ADCY4: variants seen among roughly 807,000 people sequenced by gnomAD.
ADCY4 encodes adenylate cyclase 4, also known as adenylate cyclase type 4.
In ADCY4, 111 loss-of-function variants were observed where a neutral mutation model predicts 125.5. That is an observed-to-expected ratio of 0.88 (90% CI 0.76 to 1.04). The LOEUF is 1.04. ADCY4 is among the 50% of genes least tolerant of loss of function. The pLI, the probability that ADCY4 is intolerant of heterozygous loss-of-function variation, is 0.00. For synonymous variants in ADCY4, 576 were observed against 586.9 expected, an observed-to-expected ratio of 0.98 and a Z score of 0.27; for missense variants, 1,256 against 1,382.9, an observed-to-expected ratio of 0.91 and a Z score of 1.46.
At position 24,319,728 on chromosome 14, in the gene ADCY4, C is replaced by T; in HGVS notation, c.2733+14G>A. 6.2e-7 allele frequency: 1 copy of T among 1,613,966 alleles called. No homozygotes were observed. Among genetic ancestry groups the T allele is most frequent in the East Asian group, 2.2e-5 (1 of 44,870 alleles). ...TCTAGGACATAGGGTCTGGGAGACT[C>T]TTGGAATTTTCACCTCATCAAAATC... On this transcript the variant is annotated intron_variant, in intron 21 of 24. Transcript: ENST00000418030. The surrounding 1 kb of genome is among the most constrained non-coding windows in gnomAD (Gnocchi z 4.5).
At chr14:24,326,918 C>T (rs1358512418) in intron 10 of ADCY4, among the ~76,000 whole-genome samples, 6 of 32,840 alleles carry the variant, frequency 1.8e-4, no homozygotes, top group African/African-American at 6.8e-4. Context: ...TTTTTTGCAA[C>T]GGAGTTTCGC....
Position 24,319,984 on chromosome 14 carries a change from GGT to G in ADCY4, c.2587-98_2587-97del, listed in dbSNP as rs972232466. 7.0e-7 allele frequency: 1 copy of G among 1,429,748 alleles called. No homozygotes were observed. The highest frequency in any genetic ancestry group is 9.4e-7 in the Non-Finnish European group (1 of 1,060,078). The allele number at this position is 1,429,748 out of a possible 1,614,324, so 88.6% of individuals were successfully genotyped here. ...CCCTCCTCCCCATGTCCACACTCCT[GGT>G]CTCCCTGTTTAAGAAGAATTGGGAA... On this transcript the variant is annotated intron_variant, in intron 20 of 24. Coordinates refer to ENST00000418030, the MANE Select transcript of ADCY4 (RefSeq NM_001198568.2). This position sits in a 1 kb window ranked among gnomAD's most constrained non-coding sequence, Gnocchi z 4.5.
In ADCY4 at chr14:24,326,357, CA is replaced by C. The variant is rs1476514826; in HGVS notation, c.1525-16del. ...AGGGTCTTCTCCTGTTGGGAGAGCA[CA>C]GGGGGAGGTGGGCATGGTGGGTGTT... On this transcript the variant is annotated splice_polypyrimidine_tract_variant and intron_variant, in intron 10 of 24. Coordinates refer to ENST00000418030, the MANE Select transcript of ADCY4 (RefSeq NM_001198568.2). The C allele has an allele frequency of 1.2e-6, 2 of 1,605,108 alleles. No individual in the cohort carries two copies. Among genetic ancestry groups the C allele is most frequent in the Admixed American group, 1.7e-5 (1 of 59,610 alleles).
intron 10 of ADCY4, 77 bp from the exon 11 acceptor site, chr14:24,326,419 A>G (rs2041945922): frequency 1.9e-6 from 3 of 1,542,358 alleles, no homozygotes; most frequent in Non-Finnish European, 9.0e-7. Context: ...GCCACACTGC[A>G]TGCTCTATAC....
At chr14:24,322,852 A>G (rs1287256288) in intron 18 of ADCY4, 52 bp downstream of exon 18, 3 of 1,549,652 alleles carry the variant, frequency 1.9e-6, no homozygotes, top group Non-Finnish European at 2.6e-6. Flanking sequence ...GCTGTATCCC[A>G]TCTCACCCCA....
At chr14:24,320,783 C>T (rs1216819391) in intron 20 of ADCY4, among the ~76,000 whole-genome samples, 7 of 152,178 alleles carry the variant, frequency 4.6e-5, no homozygotes, top group Non-Finnish European at 1.5e-5. Context: ...CCACTAGCTA[C>T]GAGTGGCTGT....
Position 24,319,145 on chromosome 14 carries a change from A to C in ADCY4, c.2909T>G (p.Leu970Arg). 1 of 1,614,084 alleles carries C rather than the reference A, an allele frequency of 6.2e-7. No homozygotes were observed. The highest frequency in any genetic ancestry group is 1.1e-5 in the South Asian group (1 of 91,084). Residue 970 changes from leucine (L) to arginine (R), a missense_variant, in exon 23 of 25, where the codon CTG (leucine) becomes CGG (arginine). Physicochemically the swap from Leu to Arg is moderately radical, Grantham distance 102. Transcript: ENST00000418030. This position sits in a 1 kb window ranked among gnomAD's most constrained non-coding sequence, Gnocchi z 4.5. The stretch of plus-strand genomic sequence containing the variant: ...GAATGAATGCTTGTTGATGACGTCC[A>C]GCTTAGACCCCAGGGCCACGGCAAA... ...VEFAVALGSK[L>R]DVINKHSFNN...
intron 1 of ADCY4, 126 bp from the exon 2 acceptor site, chr14:24,333,114 G>C (rs2042073219): frequency 2.2e-6 from 2 of 923,282 alleles, no homozygotes; most frequent in Non-Finnish European, 1.5e-6. Flanking sequence ...GTACGAAAAG[G>C]AGGCAAGGCA....
intron 14 of ADCY4, among the ~76,000 whole-genome samples, chr14:24,324,709 T>C (rs935609740): frequency 8.6e-5 from 13 of 151,984 alleles, no homozygotes; most frequent in African/African-American, 3.1e-4. Context: ...GTTTTTTTTT[T>C]TTCTTTTTTT....
At position 24,332,972 on chromosome 14, in the gene ADCY4, G is replaced by A. The variant is rs1288915498; in HGVS notation, c.176C>T (p.Pro59Leu). ...WASGRELTSD[P>L]SFLTTVLCAL... ...GCACAGCACAGTGGTCAGGAAGCTC[G>A]GGTCTGAGGTCAGCTCCTGTGGGCA... Residue 59 changes from proline (P) to leucine (L), a missense_variant, in exon 2 of 25, where the codon CCG (proline) becomes CTG (leucine). Coordinates refer to ENST00000418030, the MANE Select transcript of ADCY4 (RefSeq NM_001198568.2). The A allele has an allele frequency of 1.3e-6, 2 of 1,546,758 alleles. No individual in the cohort carries two copies. Among genetic ancestry groups the A allele is most frequent in the African/African-American group, 1.4e-5 (1 of 73,080 alleles).
intron 12 of ADCY4, 72 bp from the exon 13 acceptor site, chr14:24,325,959 G>A: frequency 6.3e-7 from 1 of 1,584,404 alleles, no homozygotes; most frequent in Non-Finnish European, 8.6e-7. Flanking sequence ...AGAGGGCAGA[G>A]TGAGGGCAAG....
intron 10 of ADCY4, 68 bp from the exon 11 acceptor site, chr14:24,326,410 C>G: frequency 6.4e-7 from 1 of 1,565,072 alleles, no homozygotes; most frequent in Non-Finnish European, 8.8e-7. Context: ...AGACCATGAG[C>G]CACACTGCAT....
At chr14:24,328,235 G>C (rs1168709876) in intron 10 of ADCY4, among the ~76,000 whole-genome samples, 8 of 132,854 alleles carry the variant, frequency 6.0e-5, no homozygotes, top group African/African-American at 2.3e-4. Flanking sequence ...GCGGGGTGGG[G>C]GGGGGGGTCT....
In ADCY4 at chr14:24,323,293, G is replaced by A. The variant is rs371347040; in HGVS notation, c.2157+51C>T. On this transcript the variant is annotated intron_variant, in intron 17 of 24. Transcript: ENST00000418030. ...CTCCACTCAGGGGGCTGTGGGCTTG[G>A]GCTGAGGAAGGGTGTGCAGAAGGAG... 161 of 1,503,964 alleles carry A rather than the reference G, an allele frequency of 1.1e-4. No individual in the cohort carries two copies. In the African/African-American group the frequency reaches 2.1e-3, roughly 20 times the overall value. The allele number at this position is 1,503,964 out of a possible 1,614,324, so 93.2% of individuals were successfully genotyped here. A position where few individuals can be genotyped will look rare whatever the true frequency, so the allele number is the denominator to read the frequency against.
intron 10 of ADCY4, among the ~76,000 whole-genome samples, chr14:24,327,215 T>A (rs2041962605): frequency 1.3e-5 from 2 of 152,088 alleles, no homozygotes; most frequent in Non-Finnish European, 2.9e-5. Context: ...AATATTTGAC[T>A]GAGCCCCTGG....
intron 13 of ADCY4, 30 bp from the exon 14 acceptor site, chr14:24,325,504 A>G (rs2041927973): frequency 6.3e-7 from 1 of 1,579,092 alleles, no homozygotes; most frequent in East Asian, 2.2e-5. Context: ...AGGTGGAGAC[A>G]GGGTCCAGTG....
At position 24,334,603 on chromosome 14, in the gene ADCY4, T is replaced by A; in HGVS notation, c.50A>T (p.Tyr17Phe). 1 of 1,566,200 alleles carries A rather than the reference T, an allele frequency of 6.4e-7. No individual in the cohort carries two copies. The highest frequency in any genetic ancestry group is 8.6e-7 in the Non-Finnish European group (1 of 1,157,870). The change falls in exon 1 of 25, where the codon TAC becomes TTC. Residue 17 changes from tyrosine to phenylalanine, a missense_variant. Physicochemically the swap from Tyr to Phe is conservative, Grantham distance 22. Coordinates refer to ENST00000418030, the MANE Select transcript of ADCY4 (RefSeq NM_001198568.2). ...PRPPPSEDLF[Y>F]ETYYSLSQQY... ...CTGGCTCAGGCTGTAGTAGGTCTCG[T>A]AGAAGAGGTCTTCGCTGGGGGGCGG...
Position 24,319,862 on chromosome 14 carries a change from G to A in ADCY4, c.2613C>T (p.Cys871=), listed in dbSNP as rs146019507. Residue 871 remains cysteine (C), a synonymous_variant, in exon 21 of 25, where the codon TGC becomes TGT. Coordinates refer to ENST00000418030, the MANE Select transcript of ADCY4 (RefSeq NM_001198568.2). This position sits in a 1 kb window ranked among gnomAD's most constrained non-coding sequence, Gnocchi z 4.5. ...NEDLYHQSYE[C]VCVLFASVPD... ...GGACTGAGGCGAAGAGGACACAAACGCATTCATAGGACTGGTGGTAGAGAT... is the reference window on the plus strand; with the variant it reads ...GGACTGAGGCGAAGAGGACACAAACACATTCATAGGACTGGTGGTAGAGAT... 1.0e-3 allele frequency: 1,615 copies of A among 1,613,856 alleles called. 1 individual carries two copies. Among genetic ancestry groups the A allele is most frequent in the Non-Finnish European group, 1.2e-3 (1,454 of 1,180,004 alleles).
At chr14:24,326,375 G>A (rs779826496) in intron 10 of ADCY4, 33 bp from the exon 11 acceptor site, 1 of 1,595,954 alleles carries the variant, frequency 6.3e-7, no homozygotes, top group Middle Eastern at 1.7e-4. Flanking sequence ...GGTGGGCATG[G>A]TGGGTGTTTT....
Sources: allele counts gnomAD v4.1 joint callset (sites outside exome capture counted in the v4.1 genomes callset), GRCh38; gene constraint gnomAD v4.1.1; non-coding constraint Gnocchi (gnomAD v3.1); transcripts MANE v1.5; gene names NCBI Gene and HGNC (gene_info 2026-07-23, HGNC 2026-07-21).